The following HFE variants were observed in gnomAD, a reference collection of about 807,000 sequenced individuals.
The protein encoded by HFE is homeostatic iron regulator, also known as hereditary hemochromatosis protein.
HFE carries 36 observed loss-of-function variants against 40.9 expected under a neutral mutation model. The observed-to-expected ratio is 0.88, with a 90% CI of 0.67 to 1.16. The LOEUF is 1.16. HFE is among the 50% of genes most tolerant of loss of function. HFE has a pLI of 0.00. For missense variants in HFE, 376 were observed against 432.0 expected (o/e 0.87, Z 1.15); for synonymous variants, 157 against 165.4 (o/e 0.95, Z 0.39).
Position 26,090,930 on chromosome 6 carries a change from C to T in HFE, c.166C>T (p.Gln56Ter). ...TGAAGCTTTGGGCTACGTGGATGAC[C>T]AGCTGTTCGTGTTCTATGATCATGA... Reference protein sequence around the residue: ...LFEALGYVDDQLFVFYDHESR... With the variant: ...LFEALGYVDD The change falls in exon 2 of 6, where the codon CAG (glutamine) becomes TAG (stop). Residue 56 changes from glutamine (Q) to a stop codon, truncating the protein, a stop_gained. Transcript: ENST00000357618. LOFTEE classifies it high-confidence loss of function. 3 of 1,614,166 alleles carry T rather than the reference C, an allele frequency of 1.9e-6. No individual in the cohort carries two copies. Among genetic ancestry groups the T allele is most frequent in the Non-Finnish European group, 1.7e-6 (2 of 1,180,012 alleles).
Position 26,097,854 on chromosome 6 carries a change from C to T in HFE, c.*3628C>T, listed in dbSNP as rs1456519107. The T allele has an allele frequency of 1.3e-5, 2 of 152,194 alleles. No homozygotes were observed. The highest frequency in any genetic ancestry group is 3.9e-4 in the East Asian group (2 of 5,194). The allele number at this position is 152,194 out of a possible 1,614,324, so 9.4% of individuals were successfully genotyped here. A position where few individuals can be genotyped will look rare whatever the true frequency, so the allele number is the denominator to read the frequency against. The stretch of plus-strand genomic sequence containing the variant: ...ATAAAACATTCTTCACAAACTCACA[C>T]ACATTTAAAAACAAAACACTGTCTC... On this transcript the variant is annotated 3_prime_UTR_variant, in exon 6 of 6. Coordinates refer to ENST00000357618, the MANE Select transcript of HFE (RefSeq NM_000410.4).
At chr6:26,093,307 T>C (rs1323824548) in intron 5 of HFE, 75 bp downstream of exon 5, 5 of 1,002,692 alleles carry the variant, frequency 5.0e-6, no homozygotes, top group African/African-American at 1.6e-5. Context: ...AGAGGGGATC[T>C]GGCATCCATG....
rs1475922064 is a variant in HFE at position 26,088,453 on chromosome 6, G to A, written c.76+937G>A. On this transcript the variant is annotated intron_variant, in intron 1 of 5. Coordinates refer to ENST00000357618, the MANE Select transcript of HFE (RefSeq NM_000410.4). ...GGTTACAAAGAACATAAATAATCTGGTTTTCTGATGTTATTTCAAGTACTA... is the reference window on the plus strand; with the variant it reads ...GGTTACAAAGAACATAAATAATCTGATTTTCTGATGTTATTTCAAGTACTA... Among the ~76,000 whole-genome samples the A allele has an allele frequency of 3.3e-5, 5 of 152,144 alleles. No homozygotes were observed. In the East Asian group the frequency reaches 9.6e-4, roughly 29 times the overall value.
At chr6:26,090,765 G>T in intron 1 of HFE, 76 bp from the exon 2 acceptor site, 1 of 1,442,358 alleles carries the variant, frequency 6.9e-7, no homozygotes, top group Non-Finnish European at 9.7e-7. Flanking sequence ...GGTATGAGTT[G>T]ATGCAGGTGT....
At position 26,091,124 on chromosome 6, in the gene HFE, C is replaced by G. The variant is rs1470893133; in HGVS notation, c.340+20C>G. ...GCAAGGGTATGTGGAGAGGGGGCCT[C>G]ACCTTCCTGAGGTTGTCAGAGCTTT... is the stretch of plus-strand genomic sequence containing the variant. On this transcript the variant is annotated intron_variant, in intron 2 of 5. Coordinates refer to ENST00000357618, the MANE Select transcript of HFE (RefSeq NM_000410.4). The G allele has an allele frequency of 6.2e-7, 1 of 1,613,882 alleles. No individual in the cohort carries two copies. Among genetic ancestry groups the G allele is most frequent in the African/African-American group, 1.3e-5 (1 of 74,898 alleles).
At chr6:26,089,904 G>C (rs540104469) in intron 1 of HFE, among the ~76,000 whole-genome samples, 2 of 152,258 alleles carry the variant, frequency 1.3e-5, no homozygotes, top group South Asian at 4.1e-4. Context: ...CTTCAGCCTA[G>C]GTGACAGAGC....
At chr6:26,091,682 G>C in intron 3 of HFE, 93 bp downstream of exon 3, 1 of 1,383,652 alleles carries the variant, frequency 7.2e-7, no homozygotes, top group Non-Finnish European at 1.0e-6. Context: ...TTCAGAGGTG[G>C]CTGAGGCTGT....
At position 26,096,370 on chromosome 6, in the gene HFE, G is replaced by A. The variant is rs568342811; in HGVS notation, c.*2144G>A. The A allele has an allele frequency of 3.2e-4, 142 of 447,026 alleles. No homozygotes were observed. The highest frequency in any genetic ancestry group is 2.7e-3 in the African/African-American group (135 of 49,704). 27.7% of individuals were successfully genotyped at this position (447,026 alleles called of 1,614,324 possible). A position where few individuals can be genotyped will look rare whatever the true frequency, so the allele number is the denominator to read the frequency against. ...GCTGGTCTCGAACTCTCCTGACCTC[G>A]TGATCCGCCTGCCTCGGCCTCCCAA... On this transcript the variant is annotated 3_prime_UTR_variant, in exon 6 of 6. Transcript: ENST00000357618.
chr6:26,089,942 A>G (rs964194030), intron 1 of HFE, among the ~76,000 whole-genome samples: 2 of 152,270 alleles, frequency 1.3e-5, no homozygotes, highest in Admixed American at 6.5e-5. Flanking sequence ...GACCCCCTGA[A>G]AAAGAGAAGA....
chr6:26,094,852 T>C lies in HFE; in HGVS notation c.*626T>C, dbSNP rs1216061461. 1 of 198,378 alleles carries C rather than the reference T, an allele frequency of 5.0e-6. No individual in the cohort carries two copies. The highest frequency in any genetic ancestry group is 1.2e-4 in the East Asian group (1 of 8,104). The allele number at this position is 198,378 out of a possible 1,614,324, so 12.3% of individuals were successfully genotyped here. On this transcript the variant is annotated 3_prime_UTR_variant, in exon 6 of 6. Transcript: ENST00000357618. The stretch of plus-strand genomic sequence containing the variant: ...TCCCAGAAAAAGCATCATGGCTATC[T>C]GTGGGTAGTATGATGGGTGTTTTTA...
Position 26,092,915 on chromosome 6 carries a change from C to T in HFE, c.847C>T (p.Gln283Ter). 1 of 1,614,128 alleles carries T rather than the reference C, an allele frequency of 6.2e-7. No homozygotes were observed. Among genetic ancestry groups the T allele is most frequent in the Non-Finnish European group, 8.5e-7 (1 of 1,180,030 alleles). Reference protein sequence around the residue: ...PPGEEQRYTCQVEHPGLDQPL... With the variant: ...PPGEEQRYTC ...TGGGGAAGAGCAGAGATATACGTGC[C>T]AGGTGGAGCACCCAGGCCTGGATCA... The change falls in exon 4 of 6, where the codon CAG becomes TAG. Residue 283 changes from glutamine to a stop codon, truncating the protein, a stop_gained. Transcript: ENST00000357618. LOFTEE classifies it high-confidence loss of function.
In HFE at chr6:26,098,176, G is replaced by T. The variant is rs1316283999; in HGVS notation, c.*3950G>T. 1 of 152,144 alleles carries T rather than the reference G, an allele frequency of 6.6e-6. No homozygotes were observed. The highest frequency in any genetic ancestry group is 1.5e-5 in the Non-Finnish European group (1 of 68,034). 9.4% of individuals were successfully genotyped at this position (152,144 alleles called of 1,614,324 possible). On this transcript the variant is annotated 3_prime_UTR_variant, in exon 6 of 6. Coordinates refer to ENST00000357618, the MANE Select transcript of HFE (RefSeq NM_000410.4). ...CCTAGGATGCGTTGACATCCTGCAT[G>T]CATTTATTACTTGATATGCATGCAT...
chr6:26,090,710 G>A (rs759194881), intron 1 of HFE, 131 bp from the exon 2 acceptor site: 2 of 953,938 alleles, frequency 2.1e-6, no homozygotes, highest in Non-Finnish European at 3.4e-6. Context: ...AGAAAGACAG[G>A]ACTGCAACTC....
chr6:26,087,575 A>G (rs575039685), intron 1 of HFE, 59 bp downstream of exon 1: 2 of 1,456,440 alleles, frequency 1.4e-6, no homozygotes, highest in East Asian at 2.3e-5. Context: ...AATCGAAACT[A>G]GCTTTTTCTT....
At chr6:26,092,503 C>G in intron 3 of HFE, 182 bp from the exon 4 acceptor site, 1 of 932,042 alleles carries the variant, frequency 1.1e-6, no homozygotes, top group Non-Finnish European at 1.7e-6. Context: ...GATCTGACTG[C>G]TCTCCAAGTG....
rs1763049829 is a variant in HFE at position 26,096,586 on chromosome 6, A to G, written c.*2360A>G. The G allele has an allele frequency of 6.6e-6, 3 of 456,076 alleles. No homozygotes were observed. Among genetic ancestry groups the G allele is most frequent in the Non-Finnish European group, 1.3e-5 (3 of 226,768 alleles). 28.3% of individuals were successfully genotyped at this position (456,076 alleles called of 1,614,324 possible). ...CAGCTCAGAAGTTTCTTCTTTAGGC[A>G]TTAAATTTTAGCAAAGATATCTCAT... On this transcript the variant is annotated 3_prime_UTR_variant, in exon 6 of 6. Transcript: ENST00000357618.
intron 5 of HFE, 131 bp from the exon 6 acceptor site, chr6:26,094,055 A>T: frequency 1.2e-6 from 1 of 869,534 alleles, no homozygotes; most frequent in Non-Finnish European, 1.9e-6. Flanking sequence ...GATGAGAGAT[A>T]ATGGTTCTTG....
In HFE at chr6:26,091,496, C is replaced by T. The variant is rs867478883; in HGVS notation, c.523C>T (p.Arg175Trp). 8.1e-6 allele frequency: 13 copies of T among 1,613,992 alleles called. No homozygotes were observed. The highest frequency in any genetic ancestry group is 6.7e-5 in the African/African-American group (5 of 74,898). The change falls in exon 3 of 6, where the codon CGG becomes TGG. Residue 175 changes from arginine to tryptophan, a missense_variant. Arg to Trp is a moderately radical substitution (Grantham distance 101). Around this residue, in one of 3 missense-constraint regions of HFE, gnomAD observed 200 missense variants for 228.5 expected, o/e 0.88. Transcript: ENST00000357618. ...TKLEWERHKI[R>W]ARQNRAYLER... ...GCTGGAGTGGGAAAGGCACAAGATT[C>T]GGGCCAGGCAGAACAGGGCCTACCT...
chr6:26,091,272 T>G (rs762033304), intron 2 of HFE, 42 bp from the exon 3 acceptor site: 14 of 1,613,594 alleles, frequency 8.7e-6, no homozygotes, highest in Non-Finnish European at 1.1e-5. Context: ...AATAGGGACC[T>G]ATTCCTTTGG....
Sources: gnomAD v4.1 joint callset for allele counts (sites outside exome capture counted in the v4.1 genomes callset) on GRCh38, gnomAD v4.1.1 for gene constraint, gnomAD v4.1.1 regional missense constraint, MANE v1.5 for transcripts, NCBI Gene and HGNC (gene_info 2026-07-23, HGNC 2026-07-21) for gene names.